CPA6: variants seen among roughly 807,000 people sequenced by gnomAD.
CPA6 encodes the protein carboxypeptidase A6.
Under a neutral mutation model 63.3 loss-of-function variants are expected in CPA6, and 58 were observed. That is an observed-to-expected ratio of 0.92 (90% CI 0.74 to 1.14). CPA6 has a LOEUF of 1.14. CPA6 is among the 50% of genes most tolerant of loss of function. The probability of loss-of-function intolerance (pLI) is 0.00; values close to 1 mark genes in which losing one functional copy is unlikely to be tolerated. For missense variants in CPA6, 565 were observed against 526.6 expected (o/e 1.07, Z -0.71); for synonymous variants, 185 against 179.0 (o/e 1.03, Z -0.27).
chr8:67,513,949 C>T (rs533103218), intron 3 of CPA6, among the ~76,000 whole-genome samples: 1 of 151,658 alleles, frequency 6.6e-6, no homozygotes, highest in South Asian at 2.1e-4. Flanking sequence ...GGGGAGGGAC[C>T]CTCAAAACAT....
At chr8:67,453,914 A>C (rs1810614033) in intron 8 of CPA6, among the ~76,000 whole-genome samples, 1 of 152,236 alleles carries the variant, frequency 6.6e-6, no homozygotes, top group African/African-American at 2.4e-5. Context: ...AATACTCAGA[A>C]GTACTGTGCC....
chr8:67,677,349 T>TTC (rs1816498922), intron 1 of CPA6, among the ~76,000 whole-genome samples: 1 of 151,376 alleles, frequency 6.6e-6, no homozygotes, highest in Non-Finnish European at 1.5e-5. Flanking sequence ...CTTCTTTTTT[T>TTC]TTTTTTTTTT....
At chr8:67,591,159 T>C (rs1171956177) in intron 2 of CPA6, among the ~76,000 whole-genome samples, 1 of 152,218 alleles carries the variant, frequency 6.6e-6, no homozygotes, top group Non-Finnish European at 1.5e-5. Context: ...TCCCCATTGC[T>C]TGTTTTTCTC....
chr8:67,740,822 G>A (rs1230314755), intron 1 of CPA6, among the ~76,000 whole-genome samples: 2 of 152,128 alleles, frequency 1.3e-5, no homozygotes, highest in East Asian at 1.9e-4. Flanking sequence ...CACCTGCCTC[G>A]GCCTCCCAAA....
At chr8:67,496,548 TATATA>T in intron 6 of CPA6, among the ~76,000 whole-genome samples, 2 of 134,888 alleles carry the variant, frequency 1.5e-5, no homozygotes, top group Non-Finnish European at 3.1e-5. Context: ...TATATATATA[TATATA>T]TATATTTATT....
intron 1 of CPA6, among the ~76,000 whole-genome samples, chr8:67,633,464 G>C (rs1815390324): frequency 6.6e-6 from 1 of 152,168 alleles, no homozygotes; most frequent in South Asian, 2.1e-4. Flanking sequence ...GGTGGATCAC[G>C]AGGTCAGGAG....
chr8:67,590,125 T>G (rs1192466130), intron 2 of CPA6, among the ~76,000 whole-genome samples: 1 of 151,728 alleles, frequency 6.6e-6, no homozygotes, highest in Non-Finnish European at 1.5e-5. Flanking sequence ...CATCTATGAG[T>G]GAGAACATGT....
intron 6 of CPA6, among the ~76,000 whole-genome samples, chr8:67,487,994 T>C (rs1187252585): frequency 6.6e-5 from 10 of 152,168 alleles, no homozygotes; most frequent in Non-Finnish European, 1.2e-4. Context: ...TTCTCCCATT[T>C]TGTAGGTTGC....
At chr8:67,627,360 G>A (rs940286245) in intron 1 of CPA6, among the ~76,000 whole-genome samples, 1 of 152,166 alleles carries the variant, frequency 6.6e-6, no homozygotes, top group African/African-American at 2.4e-5. Flanking sequence ...TAGTCTACTG[G>A]AACTTAGAAA....
intron 1 of CPA6, among the ~76,000 whole-genome samples, chr8:67,676,883 A>G (rs757892769): frequency 6.6e-6 from 1 of 152,222 alleles, no homozygotes; most frequent in Non-Finnish European, 1.5e-5. Context: ...CGCAATTTTG[A>G]CATTCCAATT....
intron 2 of CPA6, among the ~76,000 whole-genome samples, chr8:67,563,271 C>T (rs988138474): frequency 6.6e-6 from 1 of 152,136 alleles, no homozygotes; most frequent in Non-Finnish European, 1.5e-5. Context: ...ATCAAGAACA[C>T]AGATCTGGAG....
At chr8:67,737,356 A>G (rs1177262318) in intron 1 of CPA6, among the ~76,000 whole-genome samples, 1 of 152,216 alleles carries the variant, frequency 6.6e-6, no homozygotes, top group Non-Finnish European at 1.5e-5. Flanking sequence ...GTTCTTGATG[A>G]CTGAGATCAG....
At chr8:67,724,443 C>G (rs1329146415) in intron 1 of CPA6, among the ~76,000 whole-genome samples, 1 of 152,232 alleles carries the variant, frequency 6.6e-6, no homozygotes, top group Non-Finnish European at 1.5e-5. Flanking sequence ...AGCTTATATT[C>G]AGAAAGCTCT....
At chr8:67,570,766 A>C (rs567406956) in intron 2 of CPA6, among the ~76,000 whole-genome samples, 2 of 152,342 alleles carry the variant, frequency 1.3e-5, no homozygotes, top group Admixed American at 6.5e-5. Context: ...GGAAGACATC[A>C]AGAGAGGAAG....
chr8:67,553,378 G>A (rs1005951061), intron 2 of CPA6, among the ~76,000 whole-genome samples: 2 of 152,152 alleles, frequency 1.3e-5, no homozygotes, highest in Non-Finnish European at 2.9e-5. Flanking sequence ...AGCCTAGTAG[G>A]AGAAAAACAG....
At chr8:67,715,185 G>A (rs918896150) in intron 1 of CPA6, among the ~76,000 whole-genome samples, 8 of 152,260 alleles carry the variant, frequency 5.3e-5, no homozygotes, top group Admixed American at 4.6e-4. Context: ...ACTACCCAGA[G>A]TTAGCTCAGA....
intron 2 of CPA6, among the ~76,000 whole-genome samples, chr8:67,617,842 T>A (rs989935750): frequency 6.6e-6 from 1 of 152,184 alleles, no homozygotes; most frequent in African/African-American, 2.4e-5. Context: ...GAGGCCCCCA[T>A]TTTCCTTTTA....
rs532512017 is a variant in CPA6 at position 67,517,613 on chromosome 8, A to G, written c.317+310T>C. ...ATAGCTCCTGCAGAAAGCCTTTTCC[A>G]CTCCTGCCTTCTCATCCACCCTCTA... On this transcript the variant is annotated intron_variant, in intron 3 of 10. Transcript: ENST00000297770. 9.5e-4 allele frequency among the ~76,000 whole-genome samples: 143 copies of G among 151,212 alleles called. 1 individual carries two copies. Among genetic ancestry groups the G allele is most frequent in the Non-Finnish European group, 1.3e-3 (91 of 67,756 alleles).
At chr8:67,634,557 A>G (rs1563370852) in intron 1 of CPA6, among the ~76,000 whole-genome samples, 1 of 151,530 alleles carries the variant, frequency 6.6e-6, no homozygotes, top group Non-Finnish European at 1.5e-5. Flanking sequence ...GCGGGGAGAA[A>G]GAGTAAGGTT....
Sources: gnomAD v4.1 joint callset for allele counts (sites outside exome capture counted in the v4.1 genomes callset) on GRCh38, gnomAD v4.1.1 for gene constraint, MANE v1.5 for transcripts, NCBI Gene and HGNC (gene_info 2026-07-23, HGNC 2026-07-21) for gene names.